The following EYA1 variants were observed in gnomAD, a reference collection of about 807,000 sequenced individuals.
EYA1 encodes protein phosphatase EYA1.
Under a neutral mutation model 82.0 loss-of-function variants are expected in EYA1, and 16 were observed. The ratio of observed to expected loss-of-function variants is 0.20; its 90% confidence interval spans 0.13 to 0.30. EYA1 has a LOEUF of 0.30. Among genes scored for constraint, EYA1 ranks in the 10% least tolerant of loss-of-function variants. EYA1 has a pLI of 1.00. For synonymous variants in EYA1, 261 were observed against 264.4 expected (o/e 0.99, Z 0.12); for missense variants, 633 against 730.7 (o/e 0.87, Z 1.54).
intron 2 of EYA1, among the ~76,000 whole-genome samples, chr8:71,534,336 GT>G (rs1814523083): frequency 6.6e-6 from 1 of 152,114 alleles, no homozygotes; most frequent in South Asian, 2.1e-4. Flanking sequence ...GGTTGAATTC[GT>G]TTTCTGTTTA....
intron 17 of EYA1, among the ~76,000 whole-genome samples, chr8:71,210,519 G>A (rs1470278000): frequency 6.6e-6 from 1 of 152,126 alleles, no homozygotes; most frequent in Non-Finnish European, 1.5e-5. Context: ...AATGCAATGA[G>A]AGGCCCAATG....
At chr8:71,261,963 T>C (rs558253355) in intron 11 of EYA1, among the ~76,000 whole-genome samples, 16 of 152,336 alleles carry the variant, frequency 1.1e-4, no homozygotes, top group African/African-American at 3.6e-4. Context: ...CTTCCAAATG[T>C]ACACTTCCAG....
At chr8:71,302,874 T>TA (rs751242334) in intron 7 of EYA1, among the ~76,000 whole-genome samples, 1 of 141,880 alleles carries the variant, frequency 7.0e-6, no homozygotes, top group African/African-American at 2.5e-5. Context: ...ACTCCCCTGC[T>TA]AAAAAAAGTA....
intron 2 of EYA1, among the ~76,000 whole-genome samples, chr8:71,417,732 C>T (rs1470166092): frequency 6.6e-6 from 1 of 152,174 alleles, no homozygotes; most frequent in Admixed American, 6.5e-5. Context: ...GCCAACATGT[C>T]AGCAATGCTG....
chr8:71,286,866 G>A (rs771392717), intron 9 of EYA1, among the ~76,000 whole-genome samples: 2 of 142,140 alleles, frequency 1.4e-5, no homozygotes, highest in Non-Finnish European at 3.0e-5. Context: ...GCAGTGGCAC[G>A]ATCTCAGTTC....
chr8:71,521,804 GT>G (rs1295619094), intron 2 of EYA1, among the ~76,000 whole-genome samples: 1 of 152,038 alleles, frequency 6.6e-6, no homozygotes, highest in African/African-American at 2.4e-5. Flanking sequence ...GTTTTCAAAG[GT>G]TTTTATTACG....
chr8:71,382,771 C>T (rs1370237507), intron 2 of EYA1, among the ~76,000 whole-genome samples: 1 of 152,022 alleles, frequency 6.6e-6, no homozygotes, highest in East Asian at 1.9e-4. Context: ...TGTCAATCTC[C>T]TGCTTCAATC....
intron 2 of EYA1, among the ~76,000 whole-genome samples, chr8:71,467,294 T>C (rs1029920783): frequency 6.6e-6 from 1 of 152,154 alleles, no homozygotes; most frequent in African/African-American, 2.4e-5. Context: ...CCCTTTTTTG[T>C]AAGACAGTGT....
At chr8:71,458,777 A>T (rs1290449167) in intron 2 of EYA1, among the ~76,000 whole-genome samples, 2 of 152,166 alleles carry the variant, frequency 1.3e-5, no homozygotes, top group Non-Finnish European at 2.9e-5. Context: ...CCAATTTTGT[A>T]CACGTTGAGT....
At chr8:71,485,646 G>A (rs913033600) in intron 2 of EYA1, among the ~76,000 whole-genome samples, 1 of 152,076 alleles carries the variant, frequency 6.6e-6, no homozygotes, top group Non-Finnish European at 1.5e-5. Context: ...ATGGAATATG[G>A]CTTTGTTTTT....
chr8:71,409,736 T>C (rs1456424790), intron 2 of EYA1, among the ~76,000 whole-genome samples: 2 of 104,304 alleles, frequency 1.9e-5, no homozygotes, highest in Non-Finnish European at 4.0e-5. Context: ...TAATCAATAG[T>C]TTACCAACCA....
intron 2 of EYA1, among the ~76,000 whole-genome samples, chr8:71,522,247 C>T (rs1394582355): frequency 1.2e-4 from 18 of 152,176 alleles, no homozygotes; most frequent in Admixed American, 1.2e-3. Context: ...CCCACTTACT[C>T]TCTTTCATTA....
In EYA1 at chr8:71,443,363, C is replaced by T. The variant is rs540781629; in HGVS notation, c.34-86852G>A. Among the ~76,000 whole-genome samples, 13 of 152,304 alleles carry T rather than the reference C, an allele frequency of 8.5e-5. No individual in the cohort carries two copies. In the South Asian group the frequency reaches 2.7e-3, roughly 32 times the overall value. Reference sequence around the variant, plus strand: ...CTGGAGCGCAGTGGCACAATCTTGGCTCACTGCAACCTCTGCCTCCCAGAT... The same window carrying T: ...CTGGAGCGCAGTGGCACAATCTTGGTTCACTGCAACCTCTGCCTCCCAGAT... On this transcript the variant is annotated intron_variant, in intron 2 of 18. Transcript: ENST00000643681.
In EYA1 at chr8:71,317,702, G is replaced by A. The variant is rs767858786; in HGVS notation, c.419-13C>T. On this transcript the variant is annotated splice_polypyrimidine_tract_variant and intron_variant, in intron 6 of 17. Transcript: ENST00000340726. ...GCCCACAATGCACCTAAATCAGTTA[G>A]TGATAGCTTATCTATCTGTCCATTT... The A allele has an allele frequency of 3.1e-6, 5 of 1,613,580 alleles. No homozygotes were observed. The highest frequency in any genetic ancestry group is 1.7e-5 in the Admixed American group (1 of 60,010).
intron 2 of EYA1, among the ~76,000 whole-genome samples, chr8:71,514,809 C>T (rs1214266224): frequency 6.6e-6 from 1 of 152,114 alleles, no homozygotes; most frequent in Non-Finnish European, 1.5e-5. Flanking sequence ...TATCAACTAT[C>T]AATGGTTATT....
At chr8:71,399,575 C>T (rs1015261992) in intron 2 of EYA1, among the ~76,000 whole-genome samples, 1 of 152,144 alleles carries the variant, frequency 6.6e-6, no homozygotes, top group Non-Finnish European at 1.5e-5. Flanking sequence ...CCTAGGAATA[C>T]ATCTAACAAA....
At chr8:71,242,489 T>C (rs1313187745) in intron 12 of EYA1, among the ~76,000 whole-genome samples, 2 of 151,974 alleles carry the variant, frequency 1.3e-5, no homozygotes, top group Non-Finnish European at 1.5e-5. Flanking sequence ...TAGAATCTGA[T>C]ATTTCAGTAA....
chr8:71,233,521 G>A (rs973002926), intron 12 of EYA1, among the ~76,000 whole-genome samples: 2 of 146,094 alleles, frequency 1.4e-5, no homozygotes, highest in Non-Finnish European at 3.0e-5. Flanking sequence ...CCGAGATTGT[G>A]CCACTGCACT....
chr8:71,486,166 T>C (rs1407429759), intron 2 of EYA1, among the ~76,000 whole-genome samples: 1 of 152,174 alleles, frequency 6.6e-6, no homozygotes, highest in Admixed American at 6.5e-5. Flanking sequence ...TGAGACAACC[T>C]GCCTGACTTG....
Sources: gnomAD v4.1 joint callset for allele counts (sites outside exome capture counted in the v4.1 genomes callset) on GRCh38, gnomAD v4.1.1 for gene constraint, MANE v1.5 for transcripts, NCBI Gene and HGNC (gene_info 2026-07-23, HGNC 2026-07-21) for gene names.